Variants in MCU observed in about 807,000 individuals in gnomAD.
MCU encodes the protein calcium uniporter protein, mitochondrial.
MCU carries 12 observed loss-of-function variants against 45.2 expected under a neutral mutation model. That is an observed-to-expected ratio of 0.27 (90% CI 0.17 to 0.43). MCU has a LOEUF of 0.43. MCU is among the 20% of genes least tolerant of loss of function. MCU has a pLI of 1.00. For synonymous variants in MCU, 160 were observed against 165.1 expected (o/e 0.97, Z 0.24); for missense variants, 324 against 436.7 (o/e 0.74, Z 2.30).
At chr10:72,747,179 G>C (rs1843426153) in intron 1 of MCU, among the ~76,000 whole-genome samples, 1 of 152,124 alleles carries the variant, frequency 6.6e-6, no homozygotes, top group Non-Finnish European at 1.5e-5. Context: ...TGTTGCCATG[G>C]GTTTCCCAAG....
rs199886571 is a variant in MCU, at chr10:72,713,923, G to GA, written c.150+21624dup. On this transcript the variant is annotated intron_variant, in intron 1 of 7. Transcript: ENST00000373053. ...TATTCCGGACACACAGAGATGGGGT[G>GA]AATTTGTTTTCCTCTTTCATCATTT... Among the ~76,000 whole-genome samples, 869 of 150,718 alleles carry GA rather than the reference G, an allele frequency of 5.8e-3. 9 individuals carry two copies. Among genetic ancestry groups the GA allele is most frequent in the African/African-American group, 0.02 (826 of 40,830 alleles).
intron 1 of MCU, among the ~76,000 whole-genome samples, chr10:72,795,720 C>T (rs1310667273): frequency 1.3e-5 from 2 of 152,130 alleles, no homozygotes; most frequent in Non-Finnish European, 2.9e-5. Flanking sequence ...CACTCTGGGG[C>T]CGGGCACAGT....
intron 2 of MCU, among the ~76,000 whole-genome samples, chr10:72,842,239 A>G (rs1845058889): frequency 6.6e-6 from 1 of 152,228 alleles, no homozygotes; most frequent in Non-Finnish European, 1.5e-5. Context: ...ATGAATGAAA[A>G]GTTTTGTCAG....
intron 1 of MCU, among the ~76,000 whole-genome samples, chr10:72,824,233 G>T (rs537012905): frequency 7.2e-6 from 1 of 139,480 alleles, no homozygotes; most frequent in African/African-American, 2.7e-5. Flanking sequence ...TTTCATTCTC[G>T]TTGCCCAGGC....
At chr10:72,851,062 T>G (rs1303031747) in intron 2 of MCU, among the ~76,000 whole-genome samples, 2 of 152,262 alleles carry the variant, frequency 1.3e-5, no homozygotes, top group Non-Finnish European at 2.9e-5. Context: ...ACGTTGACAT[T>G]ACAGTCTACT....
chr10:72,830,776 A>T (rs1341004136), intron 1 of MCU, among the ~76,000 whole-genome samples: 1 of 152,210 alleles, frequency 6.6e-6, no homozygotes, highest in Non-Finnish European at 1.5e-5. Context: ...TGCCAGATCC[A>T]GTGAAGGTCA....
chr10:72,879,687 A>G (rs905773309), intron 6 of MCU, among the ~76,000 whole-genome samples: 8 of 152,230 alleles, frequency 5.3e-5, no homozygotes, highest in African/African-American at 1.9e-4. Context: ...TGATGAGTCT[A>G]AACTAATATT....
rs138345049 is a variant in MCU, at chr10:72,736,939, G to A, written c.150+44638G>A. ...GCATTTGCTAAAAGAGCTTTCACAG[G>A]CTGGTCGCTTTCAATGTTTAAAAAA... On this transcript the variant is annotated intron_variant, in intron 1 of 7. Coordinates refer to ENST00000373053, the MANE Select transcript of MCU (RefSeq NM_138357.3). Among the ~76,000 whole-genome samples, 58 of 152,332 alleles carry A rather than the reference G, an allele frequency of 3.8e-4. No homozygotes were observed. The East Asian group carries it at 0.011, about 28-fold the overall frequency.
At chr10:72,857,243 C>G (rs1184938078) in intron 2 of MCU, among the ~76,000 whole-genome samples, 3 of 149,810 alleles carry the variant, frequency 2.0e-5, no homozygotes, top group Non-Finnish European at 1.5e-5. Context: ...GGGATTAAAC[C>G]CCCCCCTTTT....
intron 4 of MCU, among the ~76,000 whole-genome samples, chr10:72,866,408 G>A (rs1476915864): frequency 1.3e-5 from 2 of 152,070 alleles, no homozygotes; most frequent in South Asian, 2.1e-4. Context: ...GGGTTTTTTT[G>A]TGTTTTTTTG....
intron 1 of MCU, among the ~76,000 whole-genome samples, chr10:72,747,134 GT>G (rs1023435945): frequency 6.6e-6 from 1 of 152,164 alleles, no homozygotes; most frequent in Non-Finnish European, 1.5e-5. Flanking sequence ...TAGTGCCTGT[GT>G]TTTGCTTCCT....
At chr10:72,860,381 T>C in intron 3 of MCU, 42 bp from the exon 4 acceptor site, 1 of 1,494,326 alleles carries the variant, frequency 6.7e-7, no homozygotes, top group Non-Finnish European at 9.3e-7. Context: ...CATTCTTGAA[T>C]AATTATGGAC....
At chr10:72,813,528 G>A (rs1456417574) in intron 1 of MCU, among the ~76,000 whole-genome samples, 3 of 115,704 alleles carry the variant, frequency 2.6e-5, no homozygotes, top group African/African-American at 6.7e-5. Context: ...GCACAATCTT[G>A]TCTCACTGCA....
At chr10:72,793,925 A>G (rs536911791) in intron 1 of MCU, among the ~76,000 whole-genome samples, 2 of 152,328 alleles carry the variant, frequency 1.3e-5, no homozygotes, top group East Asian at 3.9e-4. Flanking sequence ...TGAGCTGAGC[A>G]TGTGAGATGG....
intron 2 of MCU, among the ~76,000 whole-genome samples, chr10:72,846,840 G>A (rs747355753): frequency 8.1e-4 from 124 of 152,290 alleles, no homozygotes; most frequent in Middle Eastern, 6.8e-3. Context: ...TGAAGGGAAG[G>A]AGTGGAAAGG....
chr10:72,862,725 A>G (rs1483383030), intron 4 of MCU, among the ~76,000 whole-genome samples: 1 of 152,088 alleles, frequency 6.6e-6, no homozygotes, highest in African/African-American at 2.4e-5. Flanking sequence ...GTGGGGGACC[A>G]CTGCTGTAGG....
intron 1 of MCU, among the ~76,000 whole-genome samples, chr10:72,759,700 C>A (rs1843627662): frequency 6.6e-6 from 1 of 152,124 alleles, no homozygotes; most frequent in African/African-American, 2.4e-5. Context: ...TGAAGCCTAA[C>A]CCTCAATGTG....
At chr10:72,774,723 A>G (rs888200119) in intron 1 of MCU, among the ~76,000 whole-genome samples, 8 of 152,184 alleles carry the variant, frequency 5.3e-5, no homozygotes, top group Non-Finnish European at 7.4e-5. Context: ...GCAACTGGAA[A>G]CCAAAAAAGA....
intron 1 of MCU, among the ~76,000 whole-genome samples, chr10:72,730,146 A>T (rs946506380): frequency 6.6e-6 from 1 of 151,102 alleles, no homozygotes; most frequent in African/African-American, 2.4e-5. Context: ...TTTTGAGTAG[A>T]GATGGGGTTT....
Sources: allele counts gnomAD v4.1 joint callset (sites outside exome capture counted in the v4.1 genomes callset), GRCh38; gene constraint gnomAD v4.1.1; transcripts MANE v1.5; gene names NCBI Gene and HGNC (gene_info 2026-07-23, HGNC 2026-07-21).